Variants in FRMD4B observed in about 807,000 individuals in gnomAD.
The protein encoded by FRMD4B is FERM domain containing 4B, also known as FERM domain-containing protein 4B.
In FRMD4B, 74 loss-of-function variants were observed where a neutral mutation model predicts 141.5. The ratio of observed to expected loss-of-function variants is 0.52; its 90% CI spans 0.43 to 0.63. The LOEUF is 0.63. Among genes scored for constraint, FRMD4B ranks in the 30% least tolerant of loss-of-function variants. FRMD4B has a pLI of 0.00. For synonymous variants in FRMD4B, 506 were observed against 467.9 expected (o/e 1.08, Z -1.05); for missense variants, 1,366 against 1,253.4 (o/e 1.09, Z -1.36).
At chr3:69,260,813 C>A (rs977118799) in intron 5 of FRMD4B, among the ~76,000 whole-genome samples, 12 of 152,332 alleles carry the variant, frequency 7.9e-5, no homozygotes, top group African/African-American at 2.9e-4. Context: ...TGTAAATGCA[C>A]CAGTCAGTGC....
At chr3:69,221,531 T>C (rs1246319438) in intron 9 of FRMD4B, among the ~76,000 whole-genome samples, 1 of 152,192 alleles carries the variant, frequency 6.6e-6, no homozygotes, top group East Asian at 1.9e-4. Flanking sequence ...ACAAAGGATC[T>C]GGCAACATTA....
At chr3:69,452,974 C>T (rs558737691) in intron 1 of FRMD4B, among the ~76,000 whole-genome samples, 50 of 152,324 alleles carry the variant, frequency 3.3e-4, no homozygotes, top group Non-Finnish European at 2.2e-4. Flanking sequence ...TTCTATTTTT[C>T]GTACTAAGCC....
At chr3:69,415,879 T>C (rs911777657) in intron 2 of FRMD4B, among the ~76,000 whole-genome samples, 1 of 152,230 alleles carries the variant, frequency 6.6e-6, no homozygotes, top group African/African-American at 2.4e-5. Flanking sequence ...ATACTCAGTG[T>C]ATTCGGTTAA....
At chr3:69,339,139 G>T (rs1383966785) in intron 1 of FRMD4B, among the ~76,000 whole-genome samples, 5 of 152,078 alleles carry the variant, frequency 3.3e-5, no homozygotes, top group Non-Finnish European at 7.3e-5. Context: ...AAGGTCCATG[G>T]TGTTCTACTC....
chr3:69,492,176 A>T (rs1403631944), intron 1 of FRMD4B, among the ~76,000 whole-genome samples: 1 of 152,194 alleles, frequency 6.6e-6, no homozygotes, highest in Non-Finnish European at 1.5e-5. Flanking sequence ...TGGTATGACC[A>T]CATGCAGAGT....
intron 5 of FRMD4B, among the ~76,000 whole-genome samples, chr3:69,268,805 C>A (rs1304959005): frequency 6.6e-6 from 1 of 151,762 alleles, no homozygotes; most frequent in African/African-American, 2.4e-5. Context: ...CATCTTCCAT[C>A]TAATTGAACT....
At chr3:69,353,466 A>T (rs975029943) in intron 1 of FRMD4B, 9 of 534,046 alleles carry the variant, frequency 1.7e-5, no homozygotes, top group Non-Finnish European at 2.2e-5. Context: ...AGATTTTGCT[A>T]TGAAATGCCA....
chr3:69,326,897 C>T (rs1054900530), intron 1 of FRMD4B, among the ~76,000 whole-genome samples: 2 of 152,080 alleles, frequency 1.3e-5, no homozygotes, highest in South Asian at 2.1e-4. Context: ...AAGAAACAGC[C>T]TCGTTGCTTA....
In FRMD4B at chr3:69,477,154, G is replaced by C. The variant is rs1575816322; in HGVS notation, c.-128-44393C>G. 2.0e-5 allele frequency among the ~76,000 whole-genome samples: 3 copies of C among 152,042 alleles called. No homozygotes were observed. The East Asian group carries it at 5.8e-4, about 29-fold the overall frequency. On this transcript the variant is annotated intron_variant, in intron 1 of 5. Coordinates refer to the FRMD4B transcript ENST00000459638. Reference sequence around the variant, plus strand: ...ACACAATCATGTCATCTGCAAACAGGGACAATTTGACTTCCTCTTTTCCTA... The same window carrying C: ...ACACAATCATGTCATCTGCAAACAGCGACAATTTGACTTCCTCTTTTCCTA...
At chr3:69,397,984 T>C (rs72937877) in intron 2 of FRMD4B, among the ~76,000 whole-genome samples, 5,473 of 152,240 alleles carry the variant, frequency 0.036, 337 homozygotes, top group African/African-American at 0.12. Context: ...GTAATACTTA[T>C]ATCTTCAGAA....
chr3:69,512,711 T>C (rs1431300458), intron 1 of FRMD4B, among the ~76,000 whole-genome samples: 1 of 152,180 alleles, frequency 6.6e-6, no homozygotes, highest in Non-Finnish European at 1.5e-5. Context: ...ACACAGCTGA[T>C]TGCAAAGTAA....
At chr3:69,345,880 G>GA (rs1702921398) in intron 1 of FRMD4B, among the ~76,000 whole-genome samples, 1 of 152,068 alleles carries the variant, frequency 6.6e-6, no homozygotes, top group Non-Finnish European at 1.5e-5. Flanking sequence ...CAAAGATGGG[G>GA]AAAAAACAGA....
chr3:69,511,475 T>C (rs1037684043), intron 1 of FRMD4B, among the ~76,000 whole-genome samples: 4 of 152,018 alleles, frequency 2.6e-5, no homozygotes, highest in Non-Finnish European at 4.4e-5. Flanking sequence ...CACACATGCA[T>C]GTATAATTAA....
At chr3:69,495,964 G>A (rs1311070852) in intron 1 of FRMD4B, among the ~76,000 whole-genome samples, 1 of 152,156 alleles carries the variant, frequency 6.6e-6, no homozygotes, top group Non-Finnish European at 1.5e-5. Context: ...TAGACTATGA[G>A]TATATGGTTT....
At chr3:69,445,533 A>T (rs1398062565) in intron 1 of FRMD4B, among the ~76,000 whole-genome samples, 2 of 152,184 alleles carry the variant, frequency 1.3e-5, no homozygotes, top group South Asian at 4.1e-4. Flanking sequence ...CTGATTTTAC[A>T]TAGACTAACA....
At chr3:69,265,934 C>T (rs1175698325) in intron 5 of FRMD4B, among the ~76,000 whole-genome samples, 3 of 152,004 alleles carry the variant, frequency 2.0e-5, no homozygotes, top group Admixed American at 2.0e-4. Flanking sequence ...TTGTGGTTCA[C>T]GCCTGTAATC....
intron 7 of FRMD4B, among the ~76,000 whole-genome samples, chr3:69,240,306 C>G (rs556663852): frequency 1.3e-5 from 2 of 151,372 alleles, no homozygotes; most frequent in African/African-American, 4.9e-5. Flanking sequence ...ATGGTGAAAA[C>G]CCATCTCTAC....
chr3:69,538,342 C>T (rs940500028), intron 1 of FRMD4B, among the ~76,000 whole-genome samples: 2 of 152,154 alleles, frequency 1.3e-5, no homozygotes, highest in African/African-American at 4.8e-5. Flanking sequence ...ACATAATACC[C>T]TAATTCCACT....
At chr3:69,437,183 C>G (rs1705272180) in intron 1 of FRMD4B, among the ~76,000 whole-genome samples, 1 of 152,018 alleles carries the variant, frequency 6.6e-6, no homozygotes, top group Admixed American at 6.6e-5. Flanking sequence ...AGCGACCCAC[C>G]CACCTCAGCC....
Sources: allele counts gnomAD v4.1 joint callset (sites outside exome capture counted in the v4.1 genomes callset), GRCh38; gene constraint gnomAD v4.1.1; transcripts MANE v1.5; gene names NCBI Gene and HGNC (gene_info 2026-07-23, HGNC 2026-07-21).